The following PACRGL variants were observed in gnomAD, a reference collection of about 807,000 sequenced individuals.
PACRGL encodes the protein parkin coregulated like.
Under a neutral mutation model 34.5 loss-of-function variants are expected in PACRGL, and 38 were observed. The ratio of observed to expected loss-of-function variants is 1.10; its 90% CI spans 0.85 to 1.44. The LOEUF is 1.44. Among genes scored for constraint, PACRGL ranks in the 40% most tolerant of loss-of-function variants. The pLI is 0.00. For missense variants in PACRGL, 305 were observed against 281.4 expected, an observed-to-expected ratio of 1.08 and a Z score of -0.60; for synonymous variants, 128 against 100.1, an observed-to-expected ratio of 1.28 and a Z score of -1.66.
chr4:20,766,253 A>C, the PACRGL span, among the ~76,000 whole-genome samples: 2 of 152,160 alleles, frequency 1.3e-5, no homozygotes, highest in Admixed American at 1.3e-4. Flanking sequence ...AGATCACAGA[A>C]TCAGGAAACT....
At chr4:20,741,863 T>C (rs920538189) in intron 8 of PACRGL, among the ~76,000 whole-genome samples, 2 of 151,766 alleles carry the variant, frequency 1.3e-5, no homozygotes, top group African/African-American at 2.4e-5. Context: ...ATCAAATAGA[T>C]GCAATAAAAA....
rs1313143320 is a variant in PACRGL at position 20,728,144 on chromosome 4, G to A, written c.*803G>A. 1 of 151,984 alleles carries A rather than the reference G, an allele frequency of 6.6e-6. No homozygotes were observed. The highest frequency in any genetic ancestry group is 1.9e-4 in the East Asian group (1 of 5,200). The allele number at this position is 151,984 out of a possible 1,614,324, so 9.4% of individuals were successfully genotyped here. On this transcript the variant is annotated 3_prime_UTR_variant, in exon 9 of 9. Coordinates refer to ENST00000503585, the MANE Select transcript of PACRGL (RefSeq NM_001258345.3). The stretch of plus-strand genomic sequence containing the variant: ...ATGTATTTTATAATGTACAATGCTT[G>A]GAAAATTTTCAGAGTATTCTAGTTT...
chr4:20,757,513 C>G (rs1444327878), downstream of PACRGL, among the ~76,000 whole-genome samples: 1 of 152,116 alleles, frequency 6.6e-6, no homozygotes, highest in Non-Finnish European at 1.5e-5. Context: ...GGACATTTCA[C>G]CCTCCATTGT....
chr4:20,717,466 G>A (rs1362372207), intron 7 of PACRGL, among the ~76,000 whole-genome samples: 1 of 152,022 alleles, frequency 6.6e-6, no homozygotes, highest in African/African-American at 2.4e-5. Context: ...TATGGTTTTA[G>A]GTCTAACATT....
At chr4:20,704,030 A>T (rs1425696427) in intron 1 of PACRGL, among the ~76,000 whole-genome samples, 1 of 152,198 alleles carries the variant, frequency 6.6e-6, no homozygotes, top group African/African-American at 2.4e-5. Context: ...AGGAGAGTTC[A>T]TTATGTCACT....
At chr4:20,764,681 G>GACACACGCACACACACACACAC in the PACRGL span, among the ~76,000 whole-genome samples, 3 of 147,108 alleles carry the variant, frequency 2.0e-5, no homozygotes, top group African/African-American at 7.6e-5. Flanking sequence ...ATGGGAATTG[G>GACACACGCACACACACACACAC]ACACACACAC....
intron 8 of PACRGL, among the ~76,000 whole-genome samples, chr4:20,745,796 C>T (rs2149323193): frequency 6.6e-6 from 1 of 152,194 alleles, no homozygotes; most frequent in Middle Eastern, 3.4e-3. Flanking sequence ...GGGGACAATC[C>T]TCCTGACTCC....
chr4:20,727,488 T>A lies in PACRGL; in HGVS notation c.*147T>A. The A allele has an allele frequency of 5.1e-6, 3 of 591,354 alleles. No homozygotes were observed. The highest frequency in any genetic ancestry group is 1.8e-5 in the African/African-American group (1 of 54,440). The allele number at this position is 591,354 out of a possible 1,614,324, so 36.6% of individuals were successfully genotyped here. A position where few individuals can be genotyped will look rare whatever the true frequency, so the allele number is the denominator to read the frequency against. On this transcript the variant is annotated 3_prime_UTR_variant, in exon 9 of 9. Transcript: ENST00000503585. Reference sequence around the variant, plus strand: ...ATGAATAGACACTGAATCAAAGTTATTCATCAACAAAAAAGAACAGTTACT... The same window carrying A: ...ATGAATAGACACTGAATCAAAGTTAATCATCAACAAAAAAGAACAGTTACT...
rs1747939126 is a variant in PACRGL at position 20,730,830 on chromosome 4, CT to C, written c.*3491del. On this transcript the variant is annotated 3_prime_UTR_variant, in exon 9 of 9. Coordinates refer to ENST00000503585, the MANE Select transcript of PACRGL (RefSeq NM_001258345.3). Reference sequence around the variant, plus strand: ...ACTTGTCAGTTGCATGTGAATAGCACTTACTGAGCTGTTTATGGTAGTGGTA... The same window carrying C: ...ACTTGTCAGTTGCATGTGAATAGCACTACTGAGCTGTTTATGGTAGTGGTA... Among the ~76,000 whole-genome samples the C allele has an allele frequency of 6.6e-6, 1 of 152,118 alleles. No homozygotes were observed. The highest frequency in any genetic ancestry group is 2.4e-5 in the African/African-American group (1 of 41,430).
chr4:20,733,190 A>G (rs1034988844), downstream of PACRGL, among the ~76,000 whole-genome samples: 2 of 152,204 alleles, frequency 1.3e-5, no homozygotes, highest in Admixed American at 6.5e-5. Flanking sequence ...GTATATTGAG[A>G]AAAAACACCA....
At chr4:20,747,082 AT>A (rs1251333533) in intron 8 of PACRGL, among the ~76,000 whole-genome samples, 1 of 152,244 alleles carries the variant, frequency 6.6e-6, no homozygotes, top group African/African-American at 2.4e-5. Flanking sequence ...CATGCATATC[AT>A]ATATAATCAT....
intron 8 of PACRGL, among the ~76,000 whole-genome samples, chr4:20,738,002 C>G (rs1222155145): frequency 6.6e-6 from 1 of 151,960 alleles, no homozygotes; most frequent in African/African-American, 2.4e-5. Context: ...TATGGTGGTG[C>G]ACACCTGTTG....
chr4:20,703,509 TGTTTGTGTG>T (rs1733203134), intron 1 of PACRGL, among the ~76,000 whole-genome samples: 1 of 100,752 alleles, frequency 9.9e-6, no homozygotes, highest in Non-Finnish European at 2.2e-5. Flanking sequence ...TGTGTGTGTG[TGTTTGTGTG>T]TGTGTATTTC....
chr4:20,744,063 A>G (rs1327752460), intron 8 of PACRGL, among the ~76,000 whole-genome samples: 2 of 152,218 alleles, frequency 1.3e-5, no homozygotes, highest in East Asian at 3.8e-4. Context: ...CCACAATGAG[A>G]TACCATCTCA....
downstream of PACRGL, among the ~76,000 whole-genome samples, chr4:20,757,547 C>G (rs902589601): frequency 2.6e-5 from 4 of 152,156 alleles, no homozygotes; most frequent in African/African-American, 7.2e-5. Context: ...TAGCCACACC[C>G]AAATCCTGGC....
the PACRGL span, among the ~76,000 whole-genome samples, chr4:20,764,681 G>GACACACACACAC: frequency 0.053 from 7,845 of 147,102 alleles, 227 homozygotes; most frequent in South Asian, 0.095. Flanking sequence ...ATGGGAATTG[G>GACACACACACAC]ACACACACAC....
At chr4:20,721,117 C>G (rs56259252) in intron 7 of PACRGL, among the ~76,000 whole-genome samples, 1 of 152,154 alleles carries the variant, frequency 6.6e-6, no homozygotes, top group Non-Finnish European at 1.5e-5. Flanking sequence ...TCGATTGAGT[C>G]GGCTACTGAA....
intron 8 of PACRGL, chr4:20,749,589 CA>C: frequency 1.9e-6 from 2 of 1,077,394 alleles, no homozygotes. Context: ...TAATCATCAC[CA>C]AACTCACATT....
upstream of PACRGL, chr4:20,700,405 C>T (rs550735072): frequency 3.3e-5 from 5 of 152,296 alleles, no homozygotes; most frequent in African/African-American, 1.2e-4. Flanking sequence ...CAGCGTGCGT[C>T]TGACGTCATT....
Sources: allele counts gnomAD v4.1 joint callset (sites outside exome capture counted in the v4.1 genomes callset), GRCh38; gene constraint gnomAD v4.1.1; transcripts MANE v1.5; gene names NCBI Gene and HGNC (gene_info 2026-07-23, HGNC 2026-07-21).